The following SLC13A1 variants were observed in gnomAD, a reference collection of about 807,000 sequenced individuals.
The protein encoded by SLC13A1 is solute carrier family 13 member 1, also known as Na(+)/sulfate cotransporter.
SLC13A1 carries 65 observed loss-of-function variants against 70.0 expected under a neutral mutation model. The ratio of observed to expected loss-of-function variants is 0.93; its 90% CI spans 0.76 to 1.14. The LOEUF (loss-of-function observed/expected upper bound fraction) is 1.14, where lower values mean the gene tolerates loss of function less well. SLC13A1 is among the 50% of genes most tolerant of loss of function. The probability of loss-of-function intolerance (pLI) is 0.00; values close to 1 mark genes in which losing one functional copy is unlikely to be tolerated. For missense variants in SLC13A1, 726 were observed against 717.8 expected (o/e 1.01, Z -0.13); for synonymous variants, 275 against 250.5 (o/e 1.10, Z -0.92).
intron 12 of SLC13A1, among the ~76,000 whole-genome samples, chr7:123,119,762 GCT>G (rs1793310880): frequency 6.8e-6 from 1 of 146,476 alleles, no homozygotes; most frequent in African/African-American, 2.5e-5. Flanking sequence ...TGATAATTCA[GCT>G]CTCTTACACC....
intron 7 of SLC13A1, among the ~76,000 whole-genome samples, chr7:123,135,427 A>G (rs1793919261): frequency 6.6e-6 from 1 of 152,070 alleles, no homozygotes; most frequent in African/African-American, 2.4e-5. Flanking sequence ...TTTTTTCTAA[A>G]AGCAATAACA....
chr7:123,169,545 T>G (rs546866408), intron 3 of SLC13A1, among the ~76,000 whole-genome samples: 1 of 152,296 alleles, frequency 6.6e-6, no homozygotes, highest in South Asian at 2.1e-4. Context: ...GTGGAGTTCT[T>G]AAGAGATTTG....
At chr7:123,194,734 A>G (rs999340914) in intron 1 of SLC13A1, among the ~76,000 whole-genome samples, 4 of 152,084 alleles carry the variant, frequency 2.6e-5, no homozygotes, top group East Asian at 3.9e-4. Context: ...ACACCGTATT[A>G]GTGATGGGGG....
chr7:123,193,006 TTCAC>T (rs1796050259), intron 1 of SLC13A1, among the ~76,000 whole-genome samples: 1 of 152,088 alleles, frequency 6.6e-6, no homozygotes, highest in Admixed American at 6.6e-5. Context: ...GTTCCTCCTT[TTCAC>T]TCAACCTCCA....
chr7:123,178,017 T>TTCTTTCTCTCTCTCTC (rs1554553463), intron 2 of SLC13A1, among the ~76,000 whole-genome samples: 30 of 148,924 alleles, frequency 2.0e-4, no homozygotes, highest in African/African-American at 6.9e-4. Flanking sequence ...ATCTCTCTCT[T>TTCTTTCTCTCTCTCTC]TCTCTCTCTC....
intron 6 of SLC13A1, among the ~76,000 whole-genome samples, chr7:123,157,242 T>A (rs911982260): frequency 1.3e-5 from 2 of 152,196 alleles, no homozygotes; most frequent in East Asian, 1.9e-4. Flanking sequence ...ATATAATCAG[T>A]AATAACCTGA....
intron 6 of SLC13A1, among the ~76,000 whole-genome samples, chr7:123,154,513 T>TATACAGAG (rs775945501): frequency 5.9e-5 from 9 of 152,142 alleles, no homozygotes; most frequent in Non-Finnish European, 8.8e-5. Context: ...CTTTGTATCA[T>TATACAGAG]CCTCCAATTA....
intron 6 of SLC13A1, among the ~76,000 whole-genome samples, chr7:123,152,246 C>G (rs1387715255): frequency 2.0e-5 from 3 of 152,046 alleles, no homozygotes; most frequent in Admixed American, 6.6e-5. Flanking sequence ...CATTCATCAT[C>G]TATCAAGGGA....
chr7:123,164,637 G>A (rs1046225072), intron 6 of SLC13A1, among the ~76,000 whole-genome samples: 2 of 151,502 alleles, frequency 1.3e-5, no homozygotes, highest in Admixed American at 1.3e-4. Flanking sequence ...GGGGGTGCAT[G>A]TGCAAGTTTG....
At chr7:123,147,976 A>G (rs1219343429) in intron 6 of SLC13A1, among the ~76,000 whole-genome samples, 1 of 152,072 alleles carries the variant, frequency 6.6e-6, no homozygotes, top group African/African-American at 2.4e-5. Context: ...GGGTTTCCCC[A>G]TCTACACACC....
intron 2 of SLC13A1, among the ~76,000 whole-genome samples, chr7:123,179,898 T>A (rs894297431): frequency 3.3e-5 from 5 of 152,164 alleles, no homozygotes; most frequent in Non-Finnish European, 7.4e-5. Flanking sequence ...TAACAACTGA[T>A]CAACCCCTTC....
chr7:123,158,942 G>A (rs1794797716), intron 6 of SLC13A1, among the ~76,000 whole-genome samples: 1 of 151,952 alleles, frequency 6.6e-6, no homozygotes, highest in African/African-American at 2.4e-5. Context: ...TATTCAAGAA[G>A]AAGGACCATG....
intron 6 of SLC13A1, among the ~76,000 whole-genome samples, chr7:123,153,748 A>G (rs1794631860): frequency 6.6e-6 from 1 of 152,120 alleles, no homozygotes; most frequent in Admixed American, 6.6e-5. Flanking sequence ...TCACAGGTAT[A>G]TTATGAATGG....
chr7:123,170,499 G>T (rs188670457), intron 3 of SLC13A1, among the ~76,000 whole-genome samples: 2 of 152,306 alleles, frequency 1.3e-5, no homozygotes, highest in East Asian at 1.9e-4. Flanking sequence ...ACTGTGAAGT[G>T]CATTACATCA....
chr7:123,128,839 G>A lies in SLC13A1; in HGVS notation c.1133+6C>T, dbSNP rs1379073445. On this transcript the variant is annotated splice_donor_region_variant and intron_variant, in intron 10 of 14. Transcript: ENST00000194130. ...AGGGCTGACAAACATAACGTGCAAA[G>A]CTTACTCTGAAAAAAGTGCAGACCA... The A allele has an allele frequency of 6.3e-7, 1 of 1,597,468 alleles. No homozygotes were observed.
At chr7:123,164,322 A>G (rs1795005053) in intron 6 of SLC13A1, among the ~76,000 whole-genome samples, 1 of 151,932 alleles carries the variant, frequency 6.6e-6, no homozygotes. Context: ...TAAACTTTAT[A>G]TGGATCAGTG....
intron 6 of SLC13A1, chr7:123,149,502 T>G (rs1585333833): frequency 2.2e-6 from 1 of 456,310 alleles, no homozygotes; most frequent in Non-Finnish European, 4.4e-6. Context: ...TGGCAGGGGG[T>G]TGGGGCACTG....
At chr7:123,131,700 C>A (rs1793766526) in intron 8 of SLC13A1, among the ~76,000 whole-genome samples, 1 of 152,128 alleles carries the variant, frequency 6.6e-6, no homozygotes, top group Admixed American at 6.5e-5. Flanking sequence ...GAGGTAAACA[C>A]CTTGGCAGAC....
chr7:123,150,567 T>TTACATTCAC (rs1449154140), intron 6 of SLC13A1, among the ~76,000 whole-genome samples: 1 of 152,166 alleles, frequency 6.6e-6, no homozygotes, highest in East Asian at 1.9e-4. Flanking sequence ...AAAGAGTTGT[T>TTACATTCAC]TACATTCACT....
Sources: gnomAD v4.1 joint callset for allele counts (sites outside exome capture counted in the v4.1 genomes callset) on GRCh38, gnomAD v4.1.1 for gene constraint, MANE v1.5 for transcripts, NCBI Gene and HGNC (gene_info 2026-07-23, HGNC 2026-07-21) for gene names.